The following RNF14 variants were observed in gnomAD, a reference collection of about 807,000 sequenced individuals.
RNF14 encodes ring finger protein 14.
RNF14 carries 26 observed loss-of-function variants against 52.6 expected under a neutral mutation model. The observed-to-expected ratio is 0.49, with a 90% CI of 0.36 to 0.69. The LOEUF (loss-of-function observed/expected upper bound fraction) is 0.69. Among genes scored for constraint, RNF14 ranks in the 30% least tolerant of loss-of-function variants. RNF14 has a pLI of 0.00. For missense variants in RNF14, 404 were observed against 560.4 expected (o/e 0.72, Z 2.82); for synonymous variants, 194 against 202.0 (o/e 0.96, Z 0.34).
At chr5:141,957,684 C>G (rs1310936297), upstream of RNF14, 1 of 1,614,206 alleles carries the variant, frequency 6.2e-7, no homozygotes, top group Non-Finnish European at 8.5e-7. The surrounding 1 kb of genome is among the most constrained non-coding windows in gnomAD (Gnocchi z 4.3). Flanking sequence ...TCCGCCTCTC[C>G]TCCCGGCCCA....
chr5:141,957,246 C>T (rs778327937), upstream of RNF14: 2 of 1,614,118 alleles, frequency 1.2e-6, no homozygotes, highest in Non-Finnish European at 1.7e-6. The surrounding 1 kb of genome is among the most constrained non-coding windows in gnomAD (Gnocchi z 4.3). Flanking sequence ...TTTCCCTGTC[C>T]AGCTCCTTCA....
intron 4 of RNF14, among the ~76,000 whole-genome samples, chr5:141,977,577 A>G (rs1334124389): frequency 6.6e-6 from 1 of 152,220 alleles, no homozygotes; most frequent in Non-Finnish European, 1.5e-5. Flanking sequence ...ATTCCAAATA[A>G]TTTAATTTTG....
chr5:141,958,180 TCTGA>T (rs1360668063), upstream of RNF14: 4 of 275,516 alleles, frequency 1.5e-5, no homozygotes, highest in Non-Finnish European at 2.7e-5. Context: ...GATGTGGGAC[TCTGA>T]CTGCCAAACA....
At chr5:141,957,476 G>GCACTTGGATCTC, upstream of RNF14, 1 of 1,613,152 alleles carries the variant, frequency 6.2e-7, no homozygotes. The surrounding 1 kb of genome is among the most constrained non-coding windows in gnomAD (Gnocchi z 4.3). Flanking sequence ...TTGATGTCCA[G>GCACTTGGATCTC]CACTTGGATC....
At chr5:141,957,318 C>G (rs762472406), upstream of RNF14, 1 of 1,613,188 alleles carries the variant, frequency 6.2e-7, no homozygotes, top group South Asian at 1.1e-5. The surrounding 1 kb of genome is among the most constrained non-coding windows in gnomAD (Gnocchi z 4.3). Flanking sequence ...AGGCAAAGTG[C>G]TCACTGGGAG....
At chr5:141,959,644 G>A (rs1211710195) in intron 1 of RNF14, among the ~76,000 whole-genome samples, 2 of 152,196 alleles carry the variant, frequency 1.3e-5, no homozygotes, top group Non-Finnish European at 2.9e-5. Flanking sequence ...GGACTGGGGT[G>A]GCTAAGGGAC....
At chr5:141,954,502 G>A (rs779373264), upstream of RNF14, among the ~76,000 whole-genome samples, 2 of 152,214 alleles carry the variant, frequency 1.3e-5, no homozygotes, top group Non-Finnish European at 2.9e-5. Flanking sequence ...AAACTTAGAA[G>A]ATGGGTGGTG....
chr5:141,976,328 C>T (rs1395872063), intron 4 of RNF14, among the ~76,000 whole-genome samples: 1 of 152,180 alleles, frequency 6.6e-6, no homozygotes, highest in Admixed American at 6.5e-5. Flanking sequence ...CGTGCATGCA[C>T]ACACACGCAC....
chr5:141,959,960 A>G (rs578231458), intron 1 of RNF14, among the ~76,000 whole-genome samples: 5 of 152,302 alleles, frequency 3.3e-5, no homozygotes, highest in African/African-American at 1.2e-4. Flanking sequence ...GCACATAAGG[A>G]CTATGATTTT....
chr5:141,957,629 G>A, upstream of RNF14: 1 of 1,614,194 alleles, frequency 6.2e-7, no homozygotes, highest in Non-Finnish European at 8.5e-7. This position sits in a 1 kb window ranked among gnomAD's most constrained non-coding sequence, Gnocchi z 4.3. Context: ...TGAATGGGGA[G>A]CGCCTGAGGC....
intron 8 of RNF14, among the ~76,000 whole-genome samples, chr5:141,985,769 G>A (rs1285821037): frequency 6.6e-6 from 1 of 152,148 alleles, no homozygotes; most frequent in Non-Finnish European, 1.5e-5. Flanking sequence ...TAGCCAGGAT[G>A]GTCTCGATCT....
chr5:141,985,697 C>T (rs1419663218), intron 8 of RNF14, among the ~76,000 whole-genome samples: 2 of 152,116 alleles, frequency 1.3e-5, no homozygotes, highest in African/African-American at 2.4e-5. Context: ...GGACTACAGG[C>T]GCCTGCCACC....
At chr5:141,957,359 C>T (rs778436880), upstream of RNF14, 5 of 1,613,824 alleles carry the variant, frequency 3.1e-6, no homozygotes, top group South Asian at 1.1e-5. The surrounding 1 kb of genome is among the most constrained non-coding windows in gnomAD (Gnocchi z 4.3). Context: ...GTGTTAGGGC[C>T]TGTGTCTGGG....
chr5:141,957,722 T>C (rs1243330277), upstream of RNF14: 1 of 1,614,078 alleles, frequency 6.2e-7, no homozygotes, highest in Admixed American at 1.7e-5. This position sits in a 1 kb window ranked among gnomAD's most constrained non-coding sequence, Gnocchi z 4.3. Context: ...CCGATCACTG[T>C]ACCAGATGGC....
upstream of RNF14, chr5:141,955,727 G>C: frequency 6.2e-7 from 1 of 1,614,152 alleles, no homozygotes; most frequent in Non-Finnish European, 8.5e-7. This position sits in a 1 kb window ranked among gnomAD's most constrained non-coding sequence, Gnocchi z 5.5. Context: ...AAGGCCCCAG[G>C]CTTGCGGGCT....
chr5:141,983,371 A>G lies in RNF14; in HGVS notation c.1064-9A>G, dbSNP rs757511177. ...TATATAAAAGTTAATTTTCCATTTCACTTTGTAGAGAAATTAATGGACTTA... is the reference window on the plus strand; with the variant it reads ...TATATAAAAGTTAATTTTCCATTTCGCTTTGTAGAGAAATTAATGGACTTA... On this transcript the variant is annotated splice_polypyrimidine_tract_variant and intron_variant, in intron 6 of 8. Coordinates refer to ENST00000394520, the MANE Select transcript of RNF14 (RefSeq NM_004290.5). 5 of 1,605,580 alleles carry G rather than the reference A, an allele frequency of 3.1e-6. No individual in the cohort carries two copies. Among genetic ancestry groups the G allele is most frequent in the Non-Finnish European group, 4.2e-6 (5 of 1,177,018 alleles).
upstream of RNF14, chr5:141,956,273 C>T (rs1235203122): frequency 1.9e-6 from 3 of 1,614,232 alleles, no homozygotes; most frequent in South Asian, 1.1e-5. Flanking sequence ...CCGGCCATCT[C>T]TTCATAGTTC....
upstream of RNF14, chr5:141,955,269 C>T (rs771283801): frequency 3.7e-6 from 6 of 1,614,202 alleles, no homozygotes; most frequent in South Asian, 5.5e-5. The surrounding 1 kb of genome is among the most constrained non-coding windows in gnomAD (Gnocchi z 5.5). Context: ...GGTTCAGGTT[C>T]TCCCGGGAGG....
chr5:141,955,469 G>A (rs765405851), upstream of RNF14: 15 of 1,614,048 alleles, frequency 9.3e-6, no homozygotes, highest in Admixed American at 3.3e-5. The surrounding 1 kb of genome is among the most constrained non-coding windows in gnomAD (Gnocchi z 5.5). Flanking sequence ...ACATCTTTGT[G>A]GGACTGCCCG....
Sources: gnomAD v4.1 joint callset for allele counts (sites outside exome capture counted in the v4.1 genomes callset) on GRCh38, gnomAD v4.1.1 for gene constraint, Gnocchi (gnomAD v3.1) non-coding constraint, MANE v1.5 for transcripts, NCBI Gene and HGNC (gene_info 2026-07-23, HGNC 2026-07-21) for gene names.